Variants in C10orf90 observed in about 807,000 individuals in gnomAD.
C10orf90 encodes chromosome 10 open reading frame 90.
C10orf90 carries 56 observed loss-of-function variants against 62.5 expected under a neutral mutation model. The ratio of observed to expected loss-of-function variants is 0.90; its 90% CI spans 0.72 to 1.12. The LOEUF is 1.12. Among genes scored for constraint, C10orf90 ranks in the 50% most tolerant of loss-of-function variants. The pLI is 0.00. For missense variants in C10orf90, 970 were observed against 880.4 expected (o/e 1.10, Z -1.29); for synonymous variants, 386 against 340.4 (o/e 1.13, Z -1.47).
At chr10:126,524,690 CT>C (rs1345906866) in intron 2 of C10orf90, 1 of 986,036 alleles carries the variant, frequency 1.0e-6, no homozygotes, top group African/African-American at 1.7e-5. Flanking sequence ...TCAGCTCCTC[CT>C]CTGGGCTCAT....
At chr10:126,454,759 C>G (rs1297751113) in intron 7 of C10orf90, among the ~76,000 whole-genome samples, 1 of 152,076 alleles carries the variant, frequency 6.6e-6, no homozygotes, top group Non-Finnish European at 1.5e-5. Context: ...AATTCTGGAA[C>G]ACGCTAATTC....
At chr10:126,571,152 G>A (rs1434806047) in intron 2 of C10orf90, among the ~76,000 whole-genome samples, 1 of 152,258 alleles carries the variant, frequency 6.6e-6, no homozygotes, top group Non-Finnish European at 1.5e-5. Context: ...AGAAGATGCA[G>A]CCAGTGAGAG....
At chr10:126,576,369 A>G (rs1844610771) in intron 2 of C10orf90, among the ~76,000 whole-genome samples, 1 of 151,440 alleles carries the variant, frequency 6.6e-6, no homozygotes, top group Admixed American at 6.6e-5. Context: ...AGAAGGAGGT[A>G]TCATCTCACT....
In C10orf90 at chr10:126,455,510, C is replaced by T. The variant is rs117609153; in HGVS notation, c.2188+3530G>A. On this transcript the variant is annotated intron_variant, in intron 7 of 9. Transcript: ENST00000488181. ...CAAGGTGGGCAGACTAGGGACTGTG[C>T]CTAGCACTGTGTGGGTTCTCAAACA... Among the ~76,000 whole-genome samples, 1,007 of 152,314 alleles carry T rather than the reference C, an allele frequency of 6.6e-3. 13 individuals carry two copies. The highest frequency in any genetic ancestry group is 9.5e-3 in the Non-Finnish European group (644 of 68,026).
chr10:126,561,920 G>A (rs1864910411), intron 2 of C10orf90, among the ~76,000 whole-genome samples: 1 of 152,218 alleles, frequency 6.6e-6, no homozygotes, highest in Non-Finnish European at 1.5e-5. Context: ...ATGAATTAGA[G>A]ATGCAAAAGC....
chr10:126,489,851 A>G (rs1383300204), intron 4 of C10orf90, among the ~76,000 whole-genome samples: 2 of 150,052 alleles, frequency 1.3e-5, no homozygotes, highest in African/African-American at 4.9e-5. Context: ...CAACAGATGA[A>G]CGGGTAAACA....
At chr10:126,474,589 A>G (rs1860755990) in intron 4 of C10orf90, among the ~76,000 whole-genome samples, 2 of 152,270 alleles carry the variant, frequency 1.3e-5, no homozygotes, top group Admixed American at 6.5e-5. Context: ...AAATGCATAT[A>G]TAGCAAAGAA....
intron 2 of C10orf90, among the ~76,000 whole-genome samples, chr10:126,639,526 A>G (rs1213701225): frequency 6.6e-6 from 1 of 152,130 alleles, no homozygotes; most frequent in Non-Finnish European, 1.5e-5. Flanking sequence ...CATTGAAATC[A>G]TGGGTAGGTC....
chr10:126,440,819 G>A (rs1231563455), intron 7 of C10orf90, among the ~76,000 whole-genome samples: 7 of 152,154 alleles, frequency 4.6e-5, no homozygotes, highest in African/African-American at 1.7e-4. Context: ...CGCTCAGGAA[G>A]CCACATTCAT....
chr10:126,611,277 C>A (rs1416110390), intron 2 of C10orf90, among the ~76,000 whole-genome samples: 3 of 152,170 alleles, frequency 2.0e-5, no homozygotes, highest in Admixed American at 2.0e-4. Flanking sequence ...TTCTTTCCTT[C>A]CCTTAGCATA....
Position 126,456,936 on chromosome 10 carries a change from T to C in C10orf90, c.2188+2104A>G, listed in dbSNP as rs1859624186. 6.6e-6 allele frequency among the ~76,000 whole-genome samples: 1 copy of C among 152,212 alleles called. No individual in the cohort carries two copies. Among genetic ancestry groups the C allele is most frequent in the African/African-American group, 2.4e-5 (1 of 41,454 alleles). On this transcript the variant is annotated intron_variant, in intron 7 of 9. Coordinates refer to ENST00000488181, the MANE Select transcript of C10orf90 (RefSeq NM_001350921.2). This position sits in a 1 kb window ranked among gnomAD's most constrained non-coding sequence, Gnocchi z 4.9. The stretch of plus-strand genomic sequence containing the variant: ...AACCTCGGTTTTGACTTCTGGCCTC[T>C]AGAACTGCAAGAAAGTAAGTTTCTG...
At chr10:126,468,942 C>T (rs11244991) in intron 4 of C10orf90, among the ~76,000 whole-genome samples, 18,690 of 152,202 alleles carry the variant, frequency 0.12, 1,213 homozygotes, top group Non-Finnish European at 0.15. Flanking sequence ...TTTATTATCT[C>T]TCCAAATGTA....
At chr10:126,634,773 T>A (rs1026630044) in intron 2 of C10orf90, among the ~76,000 whole-genome samples, 1 of 152,208 alleles carries the variant, frequency 6.6e-6, no homozygotes, top group African/African-American at 2.4e-5. Flanking sequence ...AATTAAGTTG[T>A]TCATGGTCAC....
intron 2 of C10orf90, among the ~76,000 whole-genome samples, chr10:126,530,232 G>A (rs2133954167): frequency 6.6e-6 from 1 of 151,540 alleles, no homozygotes; most frequent in East Asian, 1.9e-4. Context: ...ATGAGAAAAA[G>A]CAAACCAAAA....
intron 2 of C10orf90, among the ~76,000 whole-genome samples, chr10:126,569,125 G>GT (rs1226031497): frequency 6.6e-6 from 1 of 152,146 alleles, no homozygotes; most frequent in Non-Finnish European, 1.5e-5. Context: ...GGGAGCAGTA[G>GT]TGGGGGGTTT....
chr10:126,471,540 T>TAAGATGTC (rs891433646), intron 4 of C10orf90, among the ~76,000 whole-genome samples: 2 of 152,110 alleles, frequency 1.3e-5, no homozygotes, highest in Non-Finnish European at 2.9e-5. Context: ...GAAACATAGT[T>TAAGATGTC]AAGATGTCAA....
intron 4 of C10orf90, among the ~76,000 whole-genome samples, chr10:126,488,986 T>G (rs1465124768): frequency 1.3e-5 from 2 of 152,054 alleles, no homozygotes; most frequent in Non-Finnish European, 2.9e-5. Context: ...TCCTCTAAAA[T>G]CTCCTTCGGA....
chr10:126,642,325 G>T (rs1340560758), intron 2 of C10orf90, among the ~76,000 whole-genome samples: 3 of 152,134 alleles, frequency 2.0e-5, no homozygotes, highest in Non-Finnish European at 4.4e-5. Context: ...GAGGTCGGGA[G>T]ATCGAGACCA....
At chr10:126,442,853 A>C (rs1264439665) in intron 7 of C10orf90, among the ~76,000 whole-genome samples, 3 of 151,656 alleles carry the variant, frequency 2.0e-5, no homozygotes, top group African/African-American at 4.8e-5. Flanking sequence ...CAACTCCGAA[A>C]GGAACCTTTA....
Sources: allele counts gnomAD v4.1 joint callset (sites outside exome capture counted in the v4.1 genomes callset), GRCh38; gene constraint gnomAD v4.1.1; non-coding constraint Gnocchi (gnomAD v3.1); transcripts MANE v1.5; gene names NCBI Gene and HGNC (gene_info 2026-07-23, HGNC 2026-07-21).